Variants in SLA observed in about 807,000 individuals in gnomAD.
The protein encoded by SLA is Src like adaptor.
SLA carries 16 observed loss-of-function variants against 30.3 expected under a neutral mutation model. The observed-to-expected ratio is 0.53, with a 90% confidence interval of 0.36 to 0.80. The LOEUF is 0.80. Ranked by LOEUF, SLA falls within the 30% of genes least tolerant of loss-of-function variation. SLA has a pLI of 0.01. For synonymous variants in SLA, 143 were observed against 137.8 expected, an observed-to-expected ratio of 1.04 and a Z score of -0.26; for missense variants, 310 against 345.2, an observed-to-expected ratio of 0.90 and a Z score of 0.81.
intron 7 of SLA, 68 bp downstream of exon 7, chr8:133,044,916 G>A (rs1839020634): frequency 6.6e-7 from 1 of 1,526,230 alleles, no homozygotes; most frequent in Admixed American, 1.7e-5. Flanking sequence ...CCAGACGGAT[G>A]GCGCCACAGA....
At chr8:133,040,521 C>A (rs987037392) in intron 7 of SLA, among the ~76,000 whole-genome samples, 2 of 152,210 alleles carry the variant, frequency 1.3e-5, no homozygotes, top group African/African-American at 4.8e-5. Context: ...CGCAGCCTTC[C>A]AGGGTTTCCC....
At chr8:133,063,605 G>A (rs1807822291) in intron 2 of SLA, 1 of 152,142 alleles carries the variant, frequency 6.6e-6, no homozygotes, top group Admixed American at 6.5e-5. Flanking sequence ...GAGAAAGTTT[G>A]AGTCAGTCCT....
At position 133,061,489 on chromosome 8, in the gene SLA, C is replaced by T. The variant is rs1373799001; in HGVS notation, c.-40-1289G>A. 2.0e-5 allele frequency among the ~76,000 whole-genome samples: 3 copies of T among 152,180 alleles called. No individual in the cohort carries two copies. In the East Asian group the frequency reaches 5.8e-4, roughly 29 times the overall value. On this transcript the variant is annotated intron_variant, in intron 2 of 8. Transcript: ENST00000338087. ...TAATGATAAAATTTCCAAGTCTGGA[C>T]CTTCATACAAATATTTTGGAAAGGG...
At chr8:133,059,749 T>A (rs1256575459) in intron 3 of SLA, among the ~76,000 whole-genome samples, 1 of 152,204 alleles carries the variant, frequency 6.6e-6, no homozygotes, top group Non-Finnish European at 1.5e-5. Flanking sequence ...CAGAATTGGA[T>A]GGGCCTGGAT....
chr8:133,079,441 C>A (rs1845414718), intron 1 of SLA, among the ~76,000 whole-genome samples: 1 of 152,142 alleles, frequency 6.6e-6, no homozygotes, highest in African/African-American at 2.4e-5. Context: ...TTACATACTT[C>A]ACGTTGTCAG....
At chr8:133,067,914 GGAA>G (rs1843319195) in intron 2 of SLA, among the ~76,000 whole-genome samples, 1 of 20,808 alleles carries the variant, frequency 4.8e-5, no homozygotes, top group Non-Finnish European at 2.0e-4. Flanking sequence ...AAGGAAGGAA[GGAA>G]AGAGAGAGAG....
At chr8:133,057,186 C>G (rs562535960) in intron 3 of SLA, among the ~76,000 whole-genome samples, 2 of 146,534 alleles carry the variant, frequency 1.4e-5, no homozygotes, top group South Asian at 4.2e-4. Flanking sequence ...GTTGGTGCCT[C>G]TTCAGGTCAG....
chr8:133,059,675 G>T (rs999832335), intron 3 of SLA, among the ~76,000 whole-genome samples: 5 of 152,164 alleles, frequency 3.3e-5, no homozygotes, highest in Non-Finnish European at 7.3e-5. Context: ...CTCTTGCGGG[G>T]CTAAGTATAA....
At chr8:133,057,854 C>T (rs1185775369) in intron 3 of SLA, among the ~76,000 whole-genome samples, 2 of 151,762 alleles carry the variant, frequency 1.3e-5, no homozygotes, top group East Asian at 3.9e-4. Flanking sequence ...GAAGAATGAT[C>T]TCCCAAAAGC....
chr8:133,063,028 T>C (rs748907930), intron 2 of SLA, among the ~76,000 whole-genome samples: 3 of 152,202 alleles, frequency 2.0e-5, no homozygotes, highest in Admixed American at 6.5e-5. Context: ...TTGTCTATCA[T>C]CACCGAGGCC....
chr8:133,041,318 A>G (rs947605502), intron 7 of SLA, among the ~76,000 whole-genome samples: 41 of 152,168 alleles, frequency 2.7e-4, no homozygotes, highest in African/African-American at 9.9e-4. Context: ...CAAAGAACAA[A>G]AGGAATTTGT....
intron 1 of SLA, chr8:133,095,177 C>G (rs1302940843): frequency 6.2e-7 from 1 of 1,614,220 alleles, no homozygotes. Context: ...CGCCAGAAGC[C>G]TGCCAATGTC....
At position 133,039,169 on chromosome 8, in the gene SLA, G is replaced by A. The variant is rs558419471; in HGVS notation, c.618-432C>T. ...GCTGGGGTTACAGGCGTGAGCCACC[G>A]CGCCTGGCCCTAACTTACTATTCTA... On this transcript the variant is annotated intron_variant, in intron 8 of 8. Transcript: ENST00000338087. 5.9e-5 allele frequency among the ~76,000 whole-genome samples: 9 copies of A among 152,278 alleles called. No homozygotes were observed. In the South Asian group the frequency reaches 8.3e-4, roughly 14 times the overall value.
At chr8:133,057,847 G>T (rs1312764105) in intron 3 of SLA, among the ~76,000 whole-genome samples, 1 of 151,734 alleles carries the variant, frequency 6.6e-6, no homozygotes, top group Non-Finnish European at 1.5e-5. Context: ...CTTGGGAGAA[G>T]AATGATCTCC....
intron 2 of SLA, among the ~76,000 whole-genome samples, chr8:133,068,392 G>A (rs2702989): frequency 0.84 from 128,091 of 152,234 alleles, 54,295 homozygotes; most frequent in African/African-American, 0.94. Context: ...AGACCAGAAG[G>A]GGATGGAGGT....
intron 1 of SLA, among the ~76,000 whole-genome samples, chr8:133,099,013 T>G (rs941666591): frequency 6.6e-6 from 1 of 152,244 alleles, no homozygotes; most frequent in Non-Finnish European, 1.5e-5. Flanking sequence ...ATTTGCATTC[T>G]TCTCATTGAG....
intron 1 of SLA, among the ~76,000 whole-genome samples, chr8:133,098,821 G>A (rs998877828): frequency 6.6e-6 from 1 of 152,154 alleles, no homozygotes; most frequent in Non-Finnish European, 1.5e-5. Context: ...CCAGGCTCAT[G>A]TTTTCTGATT....
chr8:133,085,048 G>C (rs189207624), intron 1 of SLA, among the ~76,000 whole-genome samples: 1 of 152,316 alleles, frequency 6.6e-6, no homozygotes, highest in East Asian at 1.9e-4. Context: ...CACAAACTGA[G>C]AACAGCATGT....
rs1848019438 is a variant in SLA, at chr8:133,094,070, G to A, written c.-319+8483C>T. 2.0e-5 allele frequency among the ~76,000 whole-genome samples: 3 copies of A among 152,034 alleles called. 1 individual carries two copies. Among genetic ancestry groups the A allele is most frequent in the South Asian group, 4.1e-4 (2 of 4,826 alleles). The stretch of plus-strand genomic sequence containing the variant: ...TGGGCAGCCAGTGTCTGAGCTACGG[G>A]GAGCCCCATAGCGGATGCACCCTGG... On this transcript the variant is annotated intron_variant, in intron 1 of 8. Transcript: ENST00000338087.
Sources: allele counts gnomAD v4.1 joint callset (sites outside exome capture counted in the v4.1 genomes callset), GRCh38; gene constraint gnomAD v4.1.1; transcripts MANE v1.5; gene names NCBI Gene and HGNC (gene_info 2026-07-23, HGNC 2026-07-21).